Variants in ACAP3 observed in about 807,000 individuals in gnomAD.
The protein encoded by ACAP3 is ArfGAP with coiled-coil, ankyrin repeat and PH domains 3, also known as arf-GAP with coiled-coil, ANK repeat and PH domain-containing protein 3.
In ACAP3, 56 loss-of-function variants were observed where a neutral mutation model predicts 104.1. The ratio of observed to expected loss-of-function variants is 0.54; its 90% CI spans 0.43 to 0.67. The LOEUF (loss-of-function observed/expected upper bound fraction) is 0.67. Ranked by LOEUF, ACAP3 falls within the 30% of genes least tolerant of loss-of-function variation. The probability of loss-of-function intolerance (pLI) is 0.00; values close to 1 mark genes in which losing one functional copy is unlikely to be tolerated. For synonymous variants in ACAP3, 628 were observed against 496.2 expected (o/e 1.27, Z -3.53); for missense variants, 1,208 against 1,174.9 (o/e 1.03, Z -0.41).
chr1:1,303,400 C>G lies in ACAP3; in HGVS notation c.106-119G>C, dbSNP rs191728786. ...GTAGGTTCCACTCAGGGCGTTGGCACTCAGGACTCAGTGCCCCGGTGCAGC... is the reference window on the plus strand; with the variant it reads ...GTAGGTTCCACTCAGGGCGTTGGCAGTCAGGACTCAGTGCCCCGGTGCAGC... On this transcript the variant is annotated intron_variant, in intron 2 of 23. Coordinates refer to ENST00000354700, the MANE Select transcript of ACAP3 (RefSeq NM_030649.3). The surrounding 1 kb of genome is among the most constrained non-coding windows in gnomAD (Gnocchi z 4.0). The G allele has an allele frequency of 2.3e-3, 3,247 of 1,391,212 alleles. 12 individuals are homozygous for G. The highest frequency in any genetic ancestry group is 8.7e-3 in the Admixed American group (369 of 42,280). The allele number at this position is 1,391,212 out of a possible 1,614,324, so 86.2% of individuals were successfully genotyped here.
At chr1:1,302,363 C>G (rs1423097011) in intron 4 of ACAP3, among the ~76,000 whole-genome samples, 1 of 152,160 alleles carries the variant, frequency 6.6e-6, no homozygotes, top group African/African-American at 2.4e-5. Context: ...GGTGCCCATC[C>G]CTGCAGCAGG....
chr1:1,293,547 G>A lies in ACAP3; in HGVS notation c.*17C>T, dbSNP rs1322835295. The A allele has an allele frequency of 3.4e-6, 5 of 1,460,498 alleles. No homozygotes were observed. In the East Asian group the frequency reaches 1.5e-4, roughly 45 times the overall value. The allele number at this position is 1,460,498 out of a possible 1,614,324, so 90.5% of individuals were successfully genotyped here. A position where few individuals can be genotyped will look rare whatever the true frequency, so the allele number is the denominator to read the frequency against. On this transcript the variant is annotated 3_prime_UTR_variant, in exon 24 of 24. Coordinates refer to ENST00000354700, the MANE Select transcript of ACAP3 (RefSeq NM_030649.3). ...CGTCGGGCCGGGCGGGGTGGCAGCT[G>A]CCCGGCCTGCCCGGCCCTAGCTCTC...
chr1:1,304,201 C>A, intron 1 of ACAP3, 58 bp from the exon 2 acceptor site: 1 of 1,541,952 alleles, frequency 6.5e-7, no homozygotes, highest in Non-Finnish European at 8.8e-7. Flanking sequence ...CTCGGGGCTT[C>A]ACCTCCCCCC....
At chr1:1,307,597 A>G (rs1049301804) in intron 1 of ACAP3, among the ~76,000 whole-genome samples, 172 bp downstream of exon 1, 15 of 151,272 alleles carry the variant, frequency 9.9e-5, no homozygotes, top group Non-Finnish European at 1.5e-4. Context: ...TTTTGTTCCA[A>G]CCCCCGGGGC....
chr1:1,300,770 T>G, intron 5 of ACAP3, 78 bp from the exon 6 acceptor site: 1 of 1,498,198 alleles, frequency 6.7e-7, no homozygotes, highest in Non-Finnish European at 9.0e-7. Context: ...CATCGTTGTT[T>G]GTGTGTTTTT....
chr1:1,302,291 G>A (rs1225690347), intron 4 of ACAP3, among the ~76,000 whole-genome samples: 1 of 152,024 alleles, frequency 6.6e-6, no homozygotes, highest in Admixed American at 6.5e-5. Flanking sequence ...AGAGGCCAAG[G>A]CTGCCTCATC....
Position 1,297,856 on chromosome 1 carries a change from G to A in ACAP3, c.1094C>T (p.Ala365Val). ...GCAACTGTCAGGGCTCTCGCGGTAG[G>A]CGGAGGCGATGCTGGCCTGCACAGC... Reference protein sequence around the residue: ...VQAVQASIASAYRESPDSCYS... With the variant: ...VQAVQASIASVYRESPDSCYS... The change falls in exon 14 of 24, where the codon GCC becomes GTC. Residue 365 changes from alanine to valine, a missense_variant. Transcript: ENST00000354700. 1 of 1,611,924 alleles carries A rather than the reference G, an allele frequency of 6.2e-7. No homozygotes were observed. Among genetic ancestry groups the A allele is most frequent in the Non-Finnish European group, 8.5e-7 (1 of 1,179,442 alleles).
rs772481261 is a variant in ACAP3 at position 1,299,355 on chromosome 1, G to A, written c.740C>T (p.Thr247Met). ...ERKHAAIQQR[T>M]LLQDFSYDES... ...CCCGTGCTCACTTACCTGCAGCAGC[G>A]TCTGGAGGGCCGGAGCAGGAGGGGG... is the stretch of plus-strand genomic sequence containing the variant. The change falls in exon 10 of 24, where the codon ACG (threonine) becomes ATG (methionine). Residue 247 changes from threonine (T) to methionine (M), a missense_variant and splice_region_variant. Transcript: ENST00000354700. The A allele has an allele frequency of 1.1e-5, 17 of 1,576,158 alleles. No individual in the cohort carries two copies. In the South Asian group the frequency reaches 1.1e-4, roughly 11 times the overall value.
At position 1,300,659 on chromosome 1, in the gene ACAP3, C is replaced by G. The variant is rs781704600; in HGVS notation, c.372G>C (p.Gln124His). Reference sequence around the variant, plus strand: ...CCAGGTCCTCCCGCACCTTGTCAAACTGCTTCTTTGTCTCCTTGAACTTCC... The same window carrying G: ...CCAGGTCCTCCCGCACCTTGTCAAAGTGCTTCTTTGTCTCCTTGAACTTCC... ...DVRKFKETKK[Q>H]FDKVREDLEL... Residue 124 changes from glutamine (Q) to histidine (H), a missense_variant, in exon 6 of 24, where the codon CAG (glutamine) becomes CAC (histidine). By Grantham distance (24) the Gln-to-His change is conservative. Coordinates refer to ENST00000354700, the MANE Select transcript of ACAP3 (RefSeq NM_030649.3). 9 of 1,609,500 alleles carry G rather than the reference C, an allele frequency of 5.6e-6. No individual in the cohort carries two copies. In the South Asian group the frequency reaches 8.8e-5, roughly 16 times the overall value.
chr1:1,303,973 C>T lies in ACAP3; in HGVS notation c.105+113G>A. 1.6e-6 allele frequency: 2 copies of T among 1,279,466 alleles called. No individual in the cohort carries two copies. The highest frequency in any genetic ancestry group is 1.1e-6 in the Non-Finnish European group (1 of 916,190). 79.3% of individuals were successfully genotyped at this position (1,279,466 alleles called of 1,614,324 possible). On this transcript the variant is annotated intron_variant, in intron 2 of 23. Transcript: ENST00000354700. This position sits in a 1 kb window ranked among gnomAD's most constrained non-coding sequence, Gnocchi z 4.0. ...GGACCAGGACCTGGAGCACCACACG[C>T]ATGCTCCACATATGGGGGGTGTAAG...
chr1:1,302,098 A>G, intron 4 of ACAP3, 52 bp from the exon 5 acceptor site: 1 of 1,401,376 alleles, frequency 7.1e-7, no homozygotes, highest in Non-Finnish European at 9.4e-7. Context: ...AAAGAGCCCC[A>G]GATGGAAGGC....
Position 1,295,750 on chromosome 1 carries a change from G to A in ACAP3, c.1691C>T (p.Ala564Val), listed in dbSNP as rs1460433500. The A allele has an allele frequency of 3.1e-6, 5 of 1,603,696 alleles. No homozygotes were observed. Among genetic ancestry groups the A allele is most frequent in the Non-Finnish European group, 3.4e-6 (4 of 1,177,398 alleles). The change falls in exon 18 of 24, where the codon GCC (alanine) becomes GTC (valine). Residue 564 changes from alanine to valine, a missense_variant. By Grantham distance (64) the Ala-to-Val change is moderately conservative. Coordinates refer to ENST00000354700, the MANE Select transcript of ACAP3 (RefSeq NM_030649.3). ...VRLEPVLPCVAALSSVGTLDR... is the reference protein window; with the variant it reads ...VRLEPVLPCVVALSSVGTLDR... The stretch of plus-strand genomic sequence containing the variant: ...TGGCCTCCCACCTGAGGACAGAGCG[G>A]CCACACAGGGCAGAACGGGCTCAAG...
chr1:1,303,339 A>T lies in ACAP3; in HGVS notation c.106-58T>A. On this transcript the variant is annotated intron_variant, in intron 2 of 23. Coordinates refer to ENST00000354700, the MANE Select transcript of ACAP3 (RefSeq NM_030649.3). This position sits in a 1 kb window ranked among gnomAD's most constrained non-coding sequence, Gnocchi z 4.0. ...GGCACTGGCGCCTGCACTCGCCACC[A>T]CACACGGCCACTCAGAGGCAGGAAG... 9.8e-6 allele frequency: 15 copies of T among 1,537,874 alleles called. No individual in the cohort carries two copies. Among genetic ancestry groups the T allele is most frequent in the Non-Finnish European group, 1.3e-5 (15 of 1,139,708 alleles).
rs944611029 is a variant in ACAP3 at position 1,303,689 on chromosome 1, C to G, written c.105+397G>C. ...GGCCTGTTGCCCCCTCTTTCTCAGC[C>G]CATGTGGGGCTCATGGACACGGCTC... On this transcript the variant is annotated intron_variant, in intron 2 of 23. Coordinates refer to ENST00000354700, the MANE Select transcript of ACAP3 (RefSeq NM_030649.3). The surrounding 1 kb of genome is among the most constrained non-coding windows in gnomAD (Gnocchi z 4.0). 2.6e-5 allele frequency: 10 copies of G among 385,426 alleles called. No individual in the cohort carries two copies. The highest frequency in any genetic ancestry group is 4.3e-5 in the Non-Finnish European group (9 of 209,426). The allele number at this position is 385,426 out of a possible 1,614,324, so 23.9% of individuals were successfully genotyped here. A position where few individuals can be genotyped will look rare whatever the true frequency, so the allele number is the denominator to read the frequency against.
In ACAP3 at chr1:1,303,839, G is replaced by T; in HGVS notation, c.105+247C>A. 1 of 578,392 alleles carries T rather than the reference G, an allele frequency of 1.7e-6. No individual in the cohort carries two copies. Among genetic ancestry groups the T allele is most frequent in the East Asian group, 3.0e-5 (1 of 33,672 alleles). The allele number at this position is 578,392 out of a possible 1,614,324, so 35.8% of individuals were successfully genotyped here. Reference sequence around the variant, plus strand: ...GCAGAGGGGACGGGCAGCCACCGTGGGTCGGGGACTCACCACAGCCCAGCC... The same window carrying T: ...GCAGAGGGGACGGGCAGCCACCGTGTGTCGGGGACTCACCACAGCCCAGCC... On this transcript the variant is annotated intron_variant, in intron 2 of 23. Transcript: ENST00000354700. The surrounding 1 kb of genome is among the most constrained non-coding windows in gnomAD (Gnocchi z 4.0).
chr1:1,299,303 C>G, intron 10 of ACAP3, 42 bp downstream of exon 10: 1 of 1,587,566 alleles, frequency 6.3e-7, no homozygotes. Flanking sequence ...CCCATCTGGT[C>G]TCCCCCGACC....
At position 1,300,568 on chromosome 1, in the gene ACAP3, C is replaced by T. The variant is rs746294144; in HGVS notation, c.463G>A (p.Gly155Arg). The change falls in exon 6 of 24, where the codon GGG (glycine) becomes AGG (arginine). Residue 155 changes from glycine to arginine, a missense_variant. By Grantham distance (125) the Gly-to-Arg change is moderately radical. Transcript: ENST00000354700. ...HRPHEVEEATGALTLTRKCFR... is the reference protein window; with the variant it reads ...HRPHEVEEATRALTLTRKCFR... ...CACTTCCTGGTGAGGGTGAGGGCCCCGGTGGCTTCCTCCACCTCGTGGGGC... is the reference window on the plus strand; with the variant it reads ...CACTTCCTGGTGAGGGTGAGGGCCCTGGTGGCTTCCTCCACCTCGTGGGGC... The T allele has an allele frequency of 2.0e-5, 32 of 1,611,990 alleles. No individual in the cohort carries two copies. Among genetic ancestry groups the T allele is most frequent in the Admixed American group, 3.3e-5 (2 of 59,914 alleles).
At chr1:1,295,976 T>C (rs779346218) in intron 17 of ACAP3, 38 bp from the exon 18 acceptor site, 4 of 1,612,598 alleles carry the variant, frequency 2.5e-6, no homozygotes, top group Admixed American at 3.3e-5. Context: ...GCCCCCAGGC[T>C]GGGGCTCCCT....
intron 10 of ACAP3, 37 bp from the exon 11 acceptor site, chr1:1,298,716 C>CA: frequency 6.7e-7 from 1 of 1,499,204 alleles, no homozygotes; most frequent in Non-Finnish European, 9.3e-7. Context: ...GTGCCCACCC[C>CA]AGGGGCCCTG....
Sources: allele counts gnomAD v4.1 joint callset (sites outside exome capture counted in the v4.1 genomes callset), GRCh38; gene constraint gnomAD v4.1.1; non-coding constraint Gnocchi (gnomAD v3.1); transcripts MANE v1.5; gene names NCBI Gene and HGNC (gene_info 2026-07-23, HGNC 2026-07-21).